Variants in MMP9 observed in about 807,000 individuals in gnomAD.
MMP9 encodes matrix metalloproteinase-9.
Under a neutral mutation model 76.4 loss-of-function variants are expected in MMP9, and 73 were observed. The ratio of observed to expected loss-of-function variants is 0.96; its 90% CI spans 0.79 to 1.16. The LOEUF is 1.16. Ranked by LOEUF, MMP9 falls within the 50% of genes most tolerant of loss-of-function variation. MMP9 has a pLI of 0.00. For synonymous variants in MMP9, 412 were observed against 408.4 expected (o/e 1.01, Z -0.11); for missense variants, 943 against 973.0 (o/e 0.97, Z 0.41).
At chr20:46,011,909 A>T (rs1295191988) in intron 6 of MMP9, among the ~76,000 whole-genome samples, 162 bp downstream of exon 6, 2 of 151,920 alleles carry the variant, frequency 1.3e-5, no homozygotes, top group Middle Eastern at 3.4e-3. Flanking sequence ...ACTATCCCTG[A>T]CTTCCAATGG....
chr20:46,011,942 C>T (rs1049999428), intron 6 of MMP9, among the ~76,000 whole-genome samples, 195 bp downstream of exon 6: 4 of 152,206 alleles, frequency 2.6e-5, no homozygotes, highest in African/African-American at 9.6e-5. Context: ...CACTAAGGTT[C>T]GGCCTTTTCT....
Position 46,014,391 on chromosome 20 carries a change from T to C in MMP9, c.1922T>C (p.Met641Thr), listed in dbSNP as rs2061896939. ...RLWRFDVKAQ[M>T]VDPRSASEVD... ...CGCAGGTTCGACGTGAAGGCGCAGA[T>C]GGTGGATCCCCGGAGCGCCAGCGAG... Residue 641 changes from methionine to threonine, a missense_variant, in exon 12 of 13, where the codon ATG becomes ACG. Coordinates refer to ENST00000372330, the MANE Select transcript of MMP9 (RefSeq NM_004994.3). 1 of 1,549,128 alleles carries C rather than the reference T, an allele frequency of 6.5e-7. No homozygotes were observed. Among genetic ancestry groups the C allele is most frequent in the Admixed American group, 2.0e-5 (1 of 50,990 alleles).
At position 46,010,644 on chromosome 20, in the gene MMP9, G is replaced by A. The variant is rs376538854; in HGVS notation, c.520+13G>A. On this transcript the variant is annotated intron_variant, in intron 3 of 12. Coordinates refer to ENST00000372330, the MANE Select transcript of MMP9 (RefSeq NM_004994.3). ...TTTGGTGTCGCGGGTGAGAACGTGA[G>A]GAGGGAAAATCCAAGAGACCTGGGC... The A allele has an allele frequency of 6.2e-7, 1 of 1,610,732 alleles. No homozygotes were observed. Among genetic ancestry groups the A allele is most frequent in the Non-Finnish European group, 8.5e-7 (1 of 1,178,292 alleles).
In MMP9 at chr20:46,013,344, A is replaced by G; in HGVS notation, c.1420A>G (p.Thr474Ala). The G allele has an allele frequency of 6.4e-7, 1 of 1,564,670 alleles. No individual in the cohort carries two copies. The highest frequency in any genetic ancestry group is 8.7e-7 in the Non-Finnish European group (1 of 1,154,510). Reference sequence around the variant, plus strand: ...GACGGTCTGCCCCACCGGACCCCCCACTGTCCACCCCTCAGAGCGCCCCAC... The same window carrying G: ...GACGGTCTGCCCCACCGGACCCCCCGCTGTCCACCCCTCAGAGCGCCCCAC... ...PPTVCPTGPP[T>A]VHPSERPTAG... Residue 474 changes from threonine to alanine, a missense_variant, in exon 9 of 13, where the codon ACT becomes GCT. Physicochemically the swap from Thr to Ala is moderately conservative, Grantham distance 58. Coordinates refer to ENST00000372330, the MANE Select transcript of MMP9 (RefSeq NM_004994.3). This position sits in a 1 kb window ranked among gnomAD's most constrained non-coding sequence, Gnocchi z 4.5.
rs143230916 is a variant in MMP9 at position 46,011,163 on chromosome 20, A to T, written c.670A>T (p.Asn224Tyr). The T allele has an allele frequency of 6.2e-7, 1 of 1,614,154 alleles. No individual in the cohort carries two copies. The highest frequency in any genetic ancestry group is 8.5e-7 in the Non-Finnish European group (1 of 1,180,044). Reference sequence around the variant, plus strand: ...TGCAGTGGTTCCAACTCGGTTTGGAAACGCAGATGGCGCGGCCTGCCACTT... The same window carrying T: ...TGCAGTGGTTCCAACTCGGTTTGGATACGCAGATGGCGCGGCCTGCCACTT... ...KGVVVPTRFG[N>Y]ADGAACHFPF... Residue 224 changes from asparagine to tyrosine, a missense_variant, in exon 5 of 13, where the codon AAC becomes TAC. Physicochemically the swap from Asn to Tyr is moderately radical, Grantham distance 143. Coordinates refer to ENST00000372330, the MANE Select transcript of MMP9 (RefSeq NM_004994.3).
chr20:46,011,371 G>A (rs2084277845), intron 5 of MMP9, 55 bp downstream of exon 5: 1 of 1,588,746 alleles, frequency 6.3e-7, no homozygotes, highest in Non-Finnish European at 8.5e-7. Context: ...TGATGGTCCT[G>A]GGTTCTAATT....
intron 3 of MMP9, 100 bp from the exon 4 acceptor site, chr20:46,010,822 G>A: frequency 6.2e-7 from 1 of 1,603,248 alleles, no homozygotes; most frequent in African/African-American, 1.3e-5. Context: ...GCGCAGGCGG[G>A]ATTTCAGCCC....
intron 3 of MMP9, 141 bp from the exon 4 acceptor site, chr20:46,010,781 C>T: frequency 6.4e-7 from 1 of 1,557,360 alleles, no homozygotes; most frequent in African/African-American, 1.4e-5. Context: ...AGACAGTGCA[C>T]AGGGCCAGGG....
In MMP9 at chr20:46,010,999, G is replaced by A. The variant is rs1600574842; in HGVS notation, c.598G>A (p.Gly200Arg). 1.9e-6 allele frequency: 3 copies of A among 1,614,148 alleles called. No individual in the cohort carries two copies. The East Asian group carries it at 6.7e-5, about 36-fold the overall frequency. ...CTTTCCTCCTGGCCCCGGCATTCAG[G>A]GAGACGCCCATTTCGACGATGACGA... is the stretch of plus-strand genomic sequence containing the variant. ...HAFPPGPGIQ[G>R]DAHFDDDELW... is the part of the protein sequence containing the mutation. The change falls in exon 4 of 13, where the codon GGA becomes AGA. Residue 200 changes from glycine to arginine, a missense_variant. Coordinates refer to ENST00000372330, the MANE Select transcript of MMP9 (RefSeq NM_004994.3).
At position 46,013,714 on chromosome 20, in the gene MMP9, C is replaced by G; in HGVS notation, c.1668C>G (p.Ile556Met). The G allele has an allele frequency of 6.2e-7, 1 of 1,613,784 alleles. No homozygotes were observed. The highest frequency in any genetic ancestry group is 1.1e-5 in the South Asian group (1 of 91,048). The change falls in exon 10 of 13, where the codon ATC becomes ATG. Residue 556 changes from isoleucine to methionine, a missense_variant. Transcript: ENST00000372330. The surrounding 1 kb of genome is among the most constrained non-coding windows in gnomAD (Gnocchi z 4.5). ...RGSRPQGPFL[I>M]ADKWPALPRK... ...GCCGGCCGCAGGGCCCCTTCCTTAT[C>G]GCCGACAAGTGGCCCGCGCTGCCCC...
intron 2 of MMP9, among the ~76,000 whole-genome samples, 155 bp from the exon 3 acceptor site, chr20:46,010,328 A>AAAAAAAC (rs2084269394): frequency 9.2e-6 from 1 of 108,600 alleles, no homozygotes; most frequent in Non-Finnish European, 2.1e-5. Context: ...AGACAAAAAA[A>AAAAAAAC]AAAAAAAAAA....
Position 46,009,970 on chromosome 20 carries a change from C to T in MMP9, c.243C>T (p.Pro81=), listed in dbSNP as rs200849957. 1.9e-6 allele frequency: 3 copies of T among 1,551,744 alleles called. No homozygotes were observed. The highest frequency in any genetic ancestry group is 2.7e-5 in the African/African-American group (2 of 73,032). The change falls in exon 2 of 13, where the codon CCC becomes CCT. Residue 81 remains proline (P), a synonymous_variant. Transcript: ENST00000372330. The part of the protein sequence containing the change: ...LLLLQKQLSL[P]ETGELDSATL... Reference sequence around the variant, plus strand: ...TTCTCCAGAAGCAACTGTCCCTGCCCGAGACCGGTGAGCTGGATAGCGCCA... The same window carrying T: ...TTCTCCAGAAGCAACTGTCCCTGCCTGAGACCGGTGAGCTGGATAGCGCCA...
chr20:46,011,151 A>C lies in MMP9; in HGVS notation c.658A>C (p.Thr220Pro), dbSNP rs750293045. 3 of 1,613,662 alleles carry C rather than the reference A, an allele frequency of 1.9e-6. No homozygotes were observed. The highest frequency in any genetic ancestry group is 2.2e-5 in the South Asian group (2 of 91,066). Residue 220 changes from threonine (T) to proline (P), a missense_variant, in exon 5 of 13, where the codon ACT becomes CCT. Thr to Pro is a conservative substitution (Grantham distance 38, BLOSUM62 -1). Coordinates refer to ENST00000372330, the MANE Select transcript of MMP9 (RefSeq NM_004994.3). The stretch of plus-strand genomic sequence containing the variant: ...CCCCCCTCCTCCTGCAGTGGTTCCA[A>C]CTCGGTTTGGAAACGCAGATGGCGC... ...WSLGKGVVVP[T>P]RFGNADGAAC... is the part of the protein sequence containing the mutation.
In MMP9 at chr20:46,013,913, C is replaced by A; in HGVS notation, c.1750+117C>A. 1 of 1,487,304 alleles carries A rather than the reference C, an allele frequency of 6.7e-7. No homozygotes were observed. The highest frequency in any genetic ancestry group is 9.1e-7 in the Non-Finnish European group (1 of 1,094,376). The allele number at this position is 1,487,304 out of a possible 1,614,324, so 92.1% of individuals were successfully genotyped here. A position where few individuals can be genotyped will look rare whatever the true frequency, so the allele number is the denominator to read the frequency against. On this transcript the variant is annotated intron_variant, in intron 10 of 12. Coordinates refer to ENST00000372330, the MANE Select transcript of MMP9 (RefSeq NM_004994.3). The surrounding 1 kb of genome is among the most constrained non-coding windows in gnomAD (Gnocchi z 4.5). ...CGTTTTAGAAAAATACGCCCCCTGG[C>A]GGACGCAGTTTAGCAAACGTAGGGG... is the stretch of plus-strand genomic sequence containing the variant.
At position 46,010,330 on chromosome 20, in the gene MMP9, A is replaced by AAACAAACAAAC. The variant is rs1555856937; in HGVS notation, c.372-151_372-150insCAAACAAACAA. Among the ~76,000 whole-genome samples the AAACAAACAAAC allele has an allele frequency of 0.17, 17,404 of 101,886 alleles. 1,973 individuals are homozygous for AAACAAACAAAC. Among genetic ancestry groups the AAACAAACAAAC allele is most frequent in the East Asian group, 0.49 (1,690 of 3,482 alleles). 66.8% of individuals were successfully genotyped at this position (101,886 alleles called of 152,430 possible). ...TGAGGGTCTAAGTAGACAAAAAAAA[A>AAACAAACAAAC]AAAAAAAAAAACAGTCTGGAAGCAA... On this transcript the variant is annotated intron_variant, in intron 2 of 12. Transcript: ENST00000372330.
chr20:46,010,668 G>C, intron 3 of MMP9, 37 bp downstream of exon 3: 2 of 1,597,000 alleles, frequency 1.3e-6, no homozygotes, highest in Non-Finnish European at 1.7e-6. Flanking sequence ...AGAGACCTGG[G>C]CGGGGTCAGG....
Position 46,013,729 on chromosome 20 carries a change from C to A in MMP9, c.1683C>A (p.Pro561=). The A allele has an allele frequency of 6.2e-7, 1 of 1,613,808 alleles. No individual in the cohort carries two copies. The highest frequency in any genetic ancestry group is 8.5e-7 in the Non-Finnish European group (1 of 1,179,984). The change falls in exon 10 of 13, where the codon CCC becomes CCA. Residue 561 remains proline, a synonymous_variant. Coordinates refer to ENST00000372330, the MANE Select transcript of MMP9 (RefSeq NM_004994.3). This position sits in a 1 kb window ranked among gnomAD's most constrained non-coding sequence, Gnocchi z 4.5. ...CCTTCCTTATCGCCGACAAGTGGCCCGCGCTGCCCCGCAAGCTGGACTCGG... is the reference window on the plus strand; with the variant it reads ...CCTTCCTTATCGCCGACAAGTGGCCAGCGCTGCCCCGCAAGCTGGACTCGG... ...QGPFLIADKW[P]ALPRKLDSVF...
chr20:46,013,939 C>A lies in MMP9; in HGVS notation c.1750+143C>A. On this transcript the variant is annotated intron_variant, in intron 10 of 12. Coordinates refer to ENST00000372330, the MANE Select transcript of MMP9 (RefSeq NM_004994.3). This position sits in a 1 kb window ranked among gnomAD's most constrained non-coding sequence, Gnocchi z 4.5. ...GGACGCAGTTTAGCAAACGTAGGGG[C>A]GGCTGAGTTTCTGCCCCCTCCTCTC... 7.1e-7 allele frequency: 1 copy of A among 1,411,450 alleles called. No homozygotes were observed. Among genetic ancestry groups the A allele is most frequent in the Non-Finnish European group, 9.6e-7 (1 of 1,037,610 alleles). 87.4% of individuals were successfully genotyped at this position (1,411,450 alleles called of 1,614,324 possible).
At position 46,010,331 on chromosome 20, in the gene MMP9, A is replaced by AC. The variant is rs1568846626; in HGVS notation, c.372-152_372-151insC. On this transcript the variant is annotated intron_variant, in intron 2 of 12. Coordinates refer to ENST00000372330, the MANE Select transcript of MMP9 (RefSeq NM_004994.3). ...GAGGGTCTAAGTAGACAAAAAAAAA[A>AC]AAAAAAAAAACAGTCTGGAAGCAAT... The AC allele has an allele frequency of 2.0e-4, 156 of 762,274 alleles. 12 individuals are homozygous for AC. In the African/African-American group the frequency reaches 2.6e-3, roughly 13 times the overall value. The allele number at this position is 762,274 out of a possible 1,614,324, so 47.2% of individuals were successfully genotyped here.
Sources: allele counts gnomAD v4.1 joint callset (sites outside exome capture counted in the v4.1 genomes callset), GRCh38; gene constraint gnomAD v4.1.1; non-coding constraint Gnocchi (gnomAD v3.1); transcripts MANE v1.5; gene names NCBI Gene and HGNC (gene_info 2026-07-23, HGNC 2026-07-21).